Variants in ASTN1 observed in about 807,000 individuals in gnomAD.
ASTN1 encodes the protein astrotactin 1.
In ASTN1, 41 loss-of-function variants were observed where a neutral mutation model predicts 140.7. That is an observed-to-expected ratio of 0.29 (90% CI 0.23 to 0.38). The LOEUF (loss-of-function observed/expected upper bound fraction) is 0.38. ASTN1 is among the 10% of genes least tolerant of loss of function. The probability of loss-of-function intolerance (pLI) is 1.00; values close to 1 mark genes in which losing one functional copy is unlikely to be tolerated. For missense variants in ASTN1, 1,479 were observed against 1,678.8 expected, an observed-to-expected ratio of 0.88 and a Z score of 2.08; for synonymous variants, 640 against 652.2, an observed-to-expected ratio of 0.98 and a Z score of 0.29.
chr1:177,072,949 G>GA lies in ASTN1; in HGVS notation c.284-11685dup, dbSNP rs1034534079. On this transcript the variant is annotated intron_variant, in intron 1 of 22. Transcript: ENST00000361833. ...CAATGTTAGTTGCGTTTTGCAAAAT[G>GA]AAAAAAAAAAGTGCTGGGTTTTCTT... Among the ~76,000 whole-genome samples the GA allele has an allele frequency of 6.7e-5, 10 of 148,588 alleles. No homozygotes were observed. The East Asian group carries it at 7.8e-4, about 12-fold the overall frequency.
chr1:177,148,277 G>C (rs1288274912), intron 1 of ASTN1, among the ~76,000 whole-genome samples: 6 of 152,034 alleles, frequency 3.9e-5, no homozygotes. Flanking sequence ...AATTAGCCGG[G>C]CGTGGTGGCG....
Position 177,023,472 on chromosome 1 carries a change from G to T in ASTN1, c.1370C>A (p.Pro457His). 1 of 1,612,116 alleles carries T rather than the reference G, an allele frequency of 6.2e-7. No individual in the cohort carries two copies. Among genetic ancestry groups the T allele is most frequent in the South Asian group, 1.1e-5 (1 of 90,684 alleles). ...CCGGGCACAGAGGTCCATGGCCCAG[G>T]GTCCGCTGGAGTTCTGCTGAGAGAA... ...VLFSQQNSSG[P>H]WAMDLCARRL... is the part of the protein sequence containing the mutation. Residue 457 changes from proline to histidine, a missense_variant, in exon 7 of 23, where the codon CCC becomes CAC. Transcript: ENST00000361833.
chr1:176,897,270 G>A (rs536490971), intron 16 of ASTN1, among the ~76,000 whole-genome samples: 19 of 84,986 alleles, frequency 2.2e-4, no homozygotes, highest in Non-Finnish European at 3.4e-4. Context: ...GCAAGACTCC[G>A]TCTCAAAAAA....
intron 8 of ASTN1, among the ~76,000 whole-genome samples, chr1:176,980,030 A>G (rs1673539737): frequency 6.6e-6 from 1 of 152,182 alleles, no homozygotes; most frequent in African/African-American, 2.4e-5. Context: ...GAGAAAAACC[A>G]TGTGGAGCGT....
intron 16 of ASTN1, among the ~76,000 whole-genome samples, chr1:176,912,711 A>G (rs1445904116): frequency 6.6e-6 from 1 of 152,204 alleles, no homozygotes; most frequent in Admixed American, 6.5e-5. Context: ...CATAATGGTA[A>G]GGAACACAGG....
In ASTN1 at chr1:176,862,543, C is replaced by T. The variant is rs1034421183; in HGVS notation, c.*1741G>A. The T allele has an allele frequency of 6.1e-6, 6 of 985,224 alleles. No homozygotes were observed. The African/African-American group carries it at 8.7e-5, about 14-fold the overall frequency. The allele number at this position is 985,224 out of a possible 1,614,324, so 61.0% of individuals were successfully genotyped here. ...GGCTGAGAGCTTGGACAGTTGTGTGCCAGATGATACTGAAAACAGAACTGG... is the reference window on the plus strand; with the variant it reads ...GGCTGAGAGCTTGGACAGTTGTGTGTCAGATGATACTGAAAACAGAACTGG... On this transcript the variant is annotated 3_prime_UTR_variant, in exon 23 of 23. Coordinates refer to ENST00000361833, the MANE Select transcript of ASTN1 (RefSeq NM_004319.3).
chr1:177,123,789 C>A (rs774165071), intron 1 of ASTN1, among the ~76,000 whole-genome samples: 4 of 152,172 alleles, frequency 2.6e-5, no homozygotes, highest in Non-Finnish European at 5.9e-5. Flanking sequence ...GCCAGTGGTG[C>A]AGCAAGAAAT....
intron 7 of ASTN1, among the ~76,000 whole-genome samples, chr1:177,022,209 C>A (rs1205163385): frequency 6.6e-6 from 1 of 152,076 alleles, no homozygotes; most frequent in Non-Finnish European, 1.5e-5. Context: ...ATCTCTCTAC[C>A]TCAGCACCTG....
chr1:176,861,132 T>G lies in ASTN1; in HGVS notation c.*3152A>C, dbSNP rs527524939. ...TCATCTTTTATAATCATACAATAAT[T>G]CTCTTTTAAACAACACTGTTATACC... On this transcript the variant is annotated 3_prime_UTR_variant, in exon 23 of 23. Transcript: ENST00000361833. The G allele has an allele frequency of 7.9e-5, 75 of 948,244 alleles. No individual in the cohort carries two copies. The African/African-American group carries it at 1.2e-3, about 15-fold the overall frequency. The allele number at this position is 948,244 out of a possible 1,614,324, so 58.7% of individuals were successfully genotyped here.
Position 176,864,374 on chromosome 1 carries a change from C to A in ASTN1, c.3795G>T (p.Trp1265Cys). Reference sequence around the variant, plus strand: ...TCCTGAGGTCCCGGCTGAGCTCCGCCCAGTCAAGTCCGTAGGGTTTGATCT... The same window carrying A: ...TCCTGAGGTCCCGGCTGAGCTCCGCACAGTCAAGTCCGTAGGGTTTGATCT... ...YSEIKPYGLDWAELSRDLRKT... is the reference protein window; with the variant it reads ...YSEIKPYGLDCAELSRDLRKT... Residue 1265 changes from tryptophan (W) to cysteine (C), a missense_variant, in exon 23 of 23, where the codon TGG becomes TGT. Trp to Cys is a radical substitution (Grantham distance 215). Coordinates refer to ENST00000361833, the MANE Select transcript of ASTN1 (RefSeq NM_004319.3). 1 of 1,614,084 alleles carries A rather than the reference C, an allele frequency of 6.2e-7. No individual in the cohort carries two copies. Among genetic ancestry groups the A allele is most frequent in the African/African-American group, 1.3e-5 (1 of 74,996 alleles).
chr1:176,994,022 T>TGC (rs1674315147), intron 8 of ASTN1, among the ~76,000 whole-genome samples: 3 of 117,604 alleles, frequency 2.6e-5, no homozygotes, highest in Non-Finnish European at 5.4e-5. Flanking sequence ...TGTGTACGTG[T>TGC]GTGTGTGTGT....
rs763996363 is a variant in ASTN1, at chr1:177,164,571, T to C, written c.106A>G (p.Lys36Glu). The C allele has an allele frequency of 6.2e-6, 10 of 1,613,640 alleles. No individual in the cohort carries two copies. The highest frequency in any genetic ancestry group is 3.3e-4 in the Middle Eastern group (2 of 6,084). ...DVDPSKELECKLKSITVSALP... is the reference protein window; with the variant it reads ...DVDPSKELECELKSITVSALP... ...GCCGACACCGTGATGCTTTTGAGCT[T>C]GCACTCCAGCTCCTTGGATGGATCC... is the stretch of plus-strand genomic sequence containing the variant. Residue 36 changes from lysine (K) to glutamate (E), a missense_variant, in exon 1 of 23, where the codon AAG (lysine) becomes GAG (glutamate). By Grantham distance (56) the Lys-to-Glu change is moderately conservative (BLOSUM62 1). Transcript: ENST00000361833.
chr1:176,923,966 C>G (rs893805473), intron 16 of ASTN1, among the ~76,000 whole-genome samples: 2 of 152,042 alleles, frequency 1.3e-5, no homozygotes, highest in African/African-American at 4.8e-5. Context: ...TGGACTGGAG[C>G]CTATAACTTA....
At chr1:177,027,537 T>G (rs763238415) in intron 5 of ASTN1, among the ~76,000 whole-genome samples, 3 of 150,744 alleles carry the variant, frequency 2.0e-5, no homozygotes, top group Non-Finnish European at 2.9e-5. Flanking sequence ...AGCCTCATCC[T>G]TACCATCTCG....
intron 8 of ASTN1, among the ~76,000 whole-genome samples, chr1:176,972,434 A>G (rs1056794058): frequency 4.6e-5 from 7 of 152,220 alleles, no homozygotes; most frequent in Non-Finnish European, 7.3e-5. Context: ...GAAGTGTTTC[A>G]ATGAATAAAA....
chr1:176,872,586 TGTC>T (rs1379575019), intron 21 of ASTN1, among the ~76,000 whole-genome samples: 2 of 152,202 alleles, frequency 1.3e-5, no homozygotes, highest in Admixed American at 1.3e-4. Flanking sequence ...CAGTCCATCA[TGTC>T]AGCCCCTTGC....
intron 1 of ASTN1, among the ~76,000 whole-genome samples, chr1:177,143,862 C>G (rs574596904): frequency 5.9e-5 from 9 of 152,168 alleles, no homozygotes; most frequent in Non-Finnish European, 1.0e-4. Flanking sequence ...TTTTCATCAT[C>G]GTACTACAAT....
In ASTN1 at chr1:176,935,734, G is replaced by A. The variant is rs571718328; in HGVS notation, c.2482+532C>T. On this transcript the variant is annotated intron_variant, in intron 15 of 22. Transcript: ENST00000361833. ...CTTAACTTACTAGCTATAAAGAGAG[G>A]GCTAATATCTATTTCTCTCTCTCTC... 3.3e-5 allele frequency among the ~76,000 whole-genome samples: 5 copies of A among 151,942 alleles called. No individual in the cohort carries two copies. The East Asian group carries it at 9.7e-4, about 29-fold the overall frequency.
At chr1:177,052,443 T>C (rs2102016120) in intron 2 of ASTN1, among the ~76,000 whole-genome samples, 1 of 152,342 alleles carries the variant, frequency 6.6e-6, no homozygotes, top group South Asian at 2.1e-4. Context: ...TCCCATTTTA[T>C]GGATAGGGAA....
Sources: allele counts gnomAD v4.1 joint callset (sites outside exome capture counted in the v4.1 genomes callset), GRCh38; gene constraint gnomAD v4.1.1; transcripts MANE v1.5; gene names NCBI Gene and HGNC (gene_info 2026-07-23, HGNC 2026-07-21).